Variants in KCNMA1 observed in about 807,000 individuals in gnomAD.
KCNMA1 encodes potassium calcium-activated channel subfamily M alpha 1.
KCNMA1 carries 29 observed loss-of-function variants against 140.0 expected under a neutral mutation model. The observed-to-expected ratio is 0.21, with a 90% CI of 0.15 to 0.28. The LOEUF (loss-of-function observed/expected upper bound fraction) is 0.28. Among genes scored for constraint, KCNMA1 ranks in the 10% least tolerant of loss-of-function variants. The pLI is 1.00. For synonymous variants in KCNMA1, 612 were observed against 611.9 expected (o/e 1.00, Z 0.00); for missense variants, 880 against 1,602.2 (o/e 0.55, Z 7.70).
intron 14 of KCNMA1, among the ~76,000 whole-genome samples, chr10:77,067,058 G>A (rs966615362): frequency 4.6e-5 from 7 of 152,178 alleles, no homozygotes; most frequent in Admixed American, 2.0e-4. Context: ...ACTTGACTGG[G>A]TCACAGTGTA....
chr10:77,427,669 G>A (rs2097042851), intron 1 of KCNMA1, among the ~76,000 whole-genome samples: 1 of 152,084 alleles, frequency 6.6e-6, no homozygotes, highest in Non-Finnish European at 1.5e-5. Flanking sequence ...AATTAAGCAA[G>A]GGCCCAGGCT....
At chr10:76,942,898 C>T (rs763076071) in intron 23 of KCNMA1, among the ~76,000 whole-genome samples, 15 of 152,126 alleles carry the variant, frequency 9.9e-5, no homozygotes, top group Admixed American at 2.0e-4. Context: ...AAGGGTTGGT[C>T]ACATCCTGTT....
chr10:77,357,901 T>TA (rs2093633740), intron 2 of KCNMA1, among the ~76,000 whole-genome samples: 1 of 151,980 alleles, frequency 6.6e-6, no homozygotes, highest in Admixed American at 6.6e-5. Context: ...CAGAATGGCT[T>TA]AAAAATCAAA....
chr10:77,073,678 A>C (rs2096287164), intron 13 of KCNMA1, among the ~76,000 whole-genome samples: 1 of 152,182 alleles, frequency 6.6e-6, no homozygotes, highest in South Asian at 2.1e-4. Context: ...CCCAGGCATC[A>C]GGAGCGGGCA....
At chr10:76,934,057 C>A (rs2059912961) in intron 23 of KCNMA1, among the ~76,000 whole-genome samples, 1 of 152,152 alleles carries the variant, frequency 6.6e-6, no homozygotes, top group African/African-American at 2.4e-5. Context: ...ACTGCAACCT[C>A]CACCTCCTGG....
intron 2 of KCNMA1, among the ~76,000 whole-genome samples, chr10:77,346,694 T>C (rs1379673970): frequency 6.6e-6 from 1 of 152,196 alleles, no homozygotes; most frequent in Admixed American, 6.5e-5. Flanking sequence ...CTGTGTCCTG[T>C]GACATTGGCA....
rs374069093 is a variant in KCNMA1, at chr10:77,573,077, C to T, written c.378+64188G>A. On this transcript the variant is annotated intron_variant, in intron 1 of 27. Transcript: ENST00000286628. ...CACTCACTTTTCAGAGTTTGGGGGA[C>T]TTCAGGTTGGGAATGAGCTGGTGTA... Among the ~76,000 whole-genome samples, 280 of 152,286 alleles carry T rather than the reference C, an allele frequency of 1.8e-3. 1 individual carries two copies. The highest frequency in any genetic ancestry group is 0.017 in the Middle Eastern group (5 of 294).
intron 1 of KCNMA1, among the ~76,000 whole-genome samples, chr10:77,503,699 T>C (rs1346329202): frequency 2.6e-5 from 4 of 152,164 alleles, no homozygotes; most frequent in African/African-American, 9.7e-5. Context: ...AGAGACAGTG[T>C]AGTGACTGGG....
intron 1 of KCNMA1, among the ~76,000 whole-genome samples, chr10:77,561,428 G>A (rs1434189111): frequency 6.6e-6 from 1 of 152,196 alleles, no homozygotes; most frequent in Non-Finnish European, 1.5e-5. Flanking sequence ...ATTGAGGTAA[G>A]AAAGGCTACC....
intron 2 of KCNMA1, among the ~76,000 whole-genome samples, chr10:77,287,404 C>T (rs901916493): frequency 6.6e-6 from 1 of 152,180 alleles, no homozygotes; most frequent in Non-Finnish European, 1.5e-5. Context: ...CAAATTCCTC[C>T]TCTCCTTCCT....
At chr10:77,412,595 G>A (rs1390648340) in intron 1 of KCNMA1, among the ~76,000 whole-genome samples, 2 of 152,294 alleles carry the variant, frequency 1.3e-5, no homozygotes, top group Admixed American at 6.5e-5. Context: ...GAGACGAGAG[G>A]GGGTGGTGAG....
intron 2 of KCNMA1, among the ~76,000 whole-genome samples, chr10:77,396,373 G>C (rs1392011650): frequency 6.6e-6 from 1 of 152,070 alleles, no homozygotes; most frequent in African/African-American, 2.4e-5. Flanking sequence ...TTGCCACCAG[G>C]CACCACTGAG....
intron 20 of KCNMA1, among the ~76,000 whole-genome samples, chr10:76,966,713 G>C (rs1300952357): frequency 2.0e-5 from 3 of 152,176 alleles, no homozygotes; most frequent in African/African-American, 7.2e-5. Flanking sequence ...TCCACAGTAA[G>C]AGACCGGGAA....
intron 1 of KCNMA1, among the ~76,000 whole-genome samples, chr10:77,424,996 G>A (rs2096946698): frequency 6.6e-6 from 1 of 152,244 alleles, no homozygotes; most frequent in African/African-American, 2.4e-5. Flanking sequence ...ACAGGGCCTA[G>A]CACTGGGCCT....
intron 2 of KCNMA1, among the ~76,000 whole-genome samples, chr10:77,390,302 C>T (rs1007358575): frequency 6.6e-6 from 1 of 152,188 alleles, no homozygotes; most frequent in Non-Finnish European, 1.5e-5. Flanking sequence ...AAGTGACTTG[C>T]CTCTCTTCTC....
At chr10:76,887,610 A>T (rs1204377720) in intron 27 of KCNMA1, 95 bp from the exon 28 acceptor site, 5 of 1,426,070 alleles carry the variant, frequency 3.5e-6, no homozygotes, top group Non-Finnish European at 4.9e-6. Context: ...GTTACTCAGG[A>T]CTTTCAGAGG....
At position 77,291,520 on chromosome 10, in the gene KCNMA1, T is replaced by C. The variant is rs886212320; in HGVS notation, c.541-40264A>G. Among the ~76,000 whole-genome samples, 3 of 152,072 alleles carry C rather than the reference T, an allele frequency of 2.0e-5. No individual in the cohort carries two copies. In the South Asian group the frequency reaches 6.2e-4, roughly 31 times the overall value. The stretch of plus-strand genomic sequence containing the variant: ...AACACAGAAAACGCTTAAAGGAAAA[T>C]TCACAGAAAATCCATGATTACTCCT... On this transcript the variant is annotated intron_variant, in intron 2 of 27. Coordinates refer to ENST00000286628, the MANE Select transcript of KCNMA1 (RefSeq NM_001161352.2).
intron 1 of KCNMA1, among the ~76,000 whole-genome samples, chr10:77,427,657 C>T (rs1163293011): frequency 6.6e-6 from 1 of 152,334 alleles, no homozygotes; most frequent in Middle Eastern, 3.4e-3. Context: ...AATGTCTGAA[C>T]CAATTAAGCA....
At chr10:77,003,719 TG>T (rs2087315415) in intron 18 of KCNMA1, among the ~76,000 whole-genome samples, 1 of 152,232 alleles carries the variant, frequency 6.6e-6, no homozygotes, top group Non-Finnish European at 1.5e-5. Flanking sequence ...ATTTCCATAC[TG>T]CCATTTTGGG....
Sources: gnomAD v4.1 joint callset for allele counts (sites outside exome capture counted in the v4.1 genomes callset) on GRCh38, gnomAD v4.1.1 for gene constraint, MANE v1.5 for transcripts, NCBI Gene and HGNC (gene_info 2026-07-23, HGNC 2026-07-21) for gene names.